Variants in UNC5C observed in about 807,000 individuals in gnomAD.
The protein encoded by UNC5C is netrin receptor UNC5C.
UNC5C carries 47 observed loss-of-function variants against 99.8 expected under a neutral mutation model. The observed-to-expected ratio is 0.47, with a 90% confidence interval of 0.37 to 0.60. UNC5C has a LOEUF of 0.60. Among genes scored for constraint, UNC5C ranks in the 20% least tolerant of loss-of-function variants. The probability of loss-of-function intolerance (pLI) is 0.00; values close to 1 mark genes in which losing one functional copy is unlikely to be tolerated. For missense variants in UNC5C, 1,062 were observed against 1,165.9 expected (o/e 0.91, Z 1.30); for synonymous variants, 487 against 452.2 (o/e 1.08, Z -0.98).
intron 10 of UNC5C, among the ~76,000 whole-genome samples, chr4:95,209,631 T>G (rs1369344050): frequency 2.0e-5 from 3 of 152,222 alleles, no homozygotes; most frequent in Non-Finnish European, 2.9e-5. Flanking sequence ...ACTATAAGGT[T>G]ATTGGGAGCA....
At chr4:95,251,294 T>A (rs115306868) in intron 4 of UNC5C, among the ~76,000 whole-genome samples, 353 of 152,310 alleles carry the variant, frequency 2.3e-3, no homozygotes, top group Non-Finnish European at 3.6e-3. Flanking sequence ...AATTTTTTTT[T>A]AAGTTTTTCT....
intron 2 of UNC5C, among the ~76,000 whole-genome samples, chr4:95,323,958 C>A (rs891957981): frequency 2.6e-5 from 4 of 152,070 alleles, no homozygotes; most frequent in Non-Finnish European, 5.9e-5. Flanking sequence ...ATCGCTTGAA[C>A]CCGGGAGGCG....
chr4:95,403,061 T>A (rs1013334305), intron 1 of UNC5C, among the ~76,000 whole-genome samples: 3 of 152,142 alleles, frequency 2.0e-5, no homozygotes, highest in Admixed American at 6.6e-5. Context: ...AACTTCACAG[T>A]CTTGGGGGAA....
chr4:95,392,254 A>G (rs1231712788), intron 1 of UNC5C, among the ~76,000 whole-genome samples: 2 of 152,106 alleles, frequency 1.3e-5, no homozygotes, highest in Non-Finnish European at 2.9e-5. Context: ...GTAATTATAT[A>G]GTTATTTCTA....
chr4:95,266,620 C>T (rs1740457666), intron 4 of UNC5C, among the ~76,000 whole-genome samples: 1 of 152,130 alleles, frequency 6.6e-6, no homozygotes, highest in South Asian at 2.1e-4. Flanking sequence ...CCATTGGCTG[C>T]CTAAGTCCTG....
intron 1 of UNC5C, among the ~76,000 whole-genome samples, chr4:95,467,261 A>C (rs1331207006): frequency 1.3e-5 from 2 of 152,190 alleles, no homozygotes; most frequent in African/African-American, 4.8e-5. Flanking sequence ...TAAGCTGCTA[A>C]ATGTTGGGGT....
chr4:95,469,190 C>T (rs10856915), intron 1 of UNC5C, among the ~76,000 whole-genome samples: 77,659 of 151,908 alleles, frequency 0.51, 20,817 homozygotes, highest in African/African-American at 0.67. Flanking sequence ...GTCACTTTTG[C>T]CTGCATTAAA....
At chr4:95,358,970 G>A (rs1744299304) in intron 1 of UNC5C, among the ~76,000 whole-genome samples, 1 of 152,162 alleles carries the variant, frequency 6.6e-6, no homozygotes, top group African/African-American at 2.4e-5. Context: ...AAGGACTCTG[G>A]CTATGCTTAA....
In UNC5C at chr4:95,163,949, T is replaced by C. The variant is rs1214044504; in HGVS notation, c.*5285A>G. The C allele has an allele frequency of 6.6e-6, 1 of 152,280 alleles. No individual in the cohort carries two copies. Among genetic ancestry groups the C allele is most frequent in the Non-Finnish European group, 1.5e-5 (1 of 68,082 alleles). 9.4% of individuals were successfully genotyped at this position (152,280 alleles called of 1,614,324 possible). On this transcript the variant is annotated 3_prime_UTR_variant, in exon 16 of 16. Coordinates refer to ENST00000453304, the MANE Select transcript of UNC5C (RefSeq NM_003728.4). ...CGGAGTACCTGTTGGTTTGTCCTGC[T>C]GATGCCCCCCAACCATGCTAAATAG...
chr4:95,444,411 G>A (rs1747035677), intron 1 of UNC5C, among the ~76,000 whole-genome samples: 2 of 151,426 alleles, frequency 1.3e-5, no homozygotes, highest in Non-Finnish European at 2.9e-5. Flanking sequence ...GCTCACTGCA[G>A]GATCCGCCCC....
intron 1 of UNC5C, among the ~76,000 whole-genome samples, chr4:95,459,187 T>C (rs1038338310): frequency 1.3e-5 from 2 of 152,172 alleles, no homozygotes; most frequent in Non-Finnish European, 2.9e-5. Context: ...TGGTTCCAAA[T>C]ATAAGCAACT....
intron 1 of UNC5C, among the ~76,000 whole-genome samples, chr4:95,426,376 A>G (rs990123804): frequency 1.3e-5 from 2 of 152,180 alleles, no homozygotes; most frequent in African/African-American, 4.8e-5. Flanking sequence ...CTCTCTCTTC[A>G]GGCCTTCCTA....
intron 1 of UNC5C, among the ~76,000 whole-genome samples, chr4:95,422,095 G>T (rs1011685831): frequency 6.6e-6 from 1 of 152,172 alleles, no homozygotes; most frequent in Non-Finnish European, 1.5e-5. Context: ...CCTCACTGAC[G>T]ACAACAAGCT....
At chr4:95,368,829 C>T (rs1579363081) in intron 1 of UNC5C, among the ~76,000 whole-genome samples, 1 of 152,068 alleles carries the variant, frequency 6.6e-6, no homozygotes, top group South Asian at 2.1e-4. Flanking sequence ...ATATATTCAA[C>T]ATTAAATTTT....
chr4:95,470,946 C>T (rs759219113), intron 1 of UNC5C, among the ~76,000 whole-genome samples: 4 of 151,690 alleles, frequency 2.6e-5, no homozygotes, highest in Non-Finnish European at 5.9e-5. Flanking sequence ...AAGTTCTAGC[C>T]ATCATGAGTG....
intron 7 of UNC5C, among the ~76,000 whole-genome samples, chr4:95,227,566 T>C (rs2149371516): frequency 6.6e-6 from 1 of 152,250 alleles, no homozygotes; most frequent in Middle Eastern, 3.4e-3. Context: ...GAAGAAAAAA[T>C]ATTTGAAAAC....
chr4:95,301,482 A>G (rs1741874926), intron 3 of UNC5C, 124 bp downstream of exon 3: 2 of 1,356,034 alleles, frequency 1.5e-6, no homozygotes, highest in South Asian at 2.7e-5. Context: ...GGCGTGAGTC[A>G]CCGCGCCTGG....
Position 95,326,358 on chromosome 4 carries a change from A to G in UNC5C, c.346+9052T>C, listed in dbSNP as rs1742883111. 2.0e-5 allele frequency among the ~76,000 whole-genome samples: 3 copies of G among 151,392 alleles called. No individual in the cohort carries two copies. In the East Asian group the frequency reaches 5.8e-4, roughly 29 times the overall value. On this transcript the variant is annotated intron_variant, in intron 2 of 15. Transcript: ENST00000453304. ...CCTTTGCTTCTTCATAGAGAAAAAA[A>G]TATTTGCTTTTAGATGGTAGATCTT...
intron 7 of UNC5C, among the ~76,000 whole-genome samples, chr4:95,233,569 A>G (rs1022220146): frequency 8.5e-5 from 13 of 152,204 alleles, no homozygotes; most frequent in African/African-American, 2.7e-4. Context: ...AGGAAGAAGT[A>G]AGCAGTGATT....
Sources: allele counts gnomAD v4.1 joint callset (sites outside exome capture counted in the v4.1 genomes callset), GRCh38; gene constraint gnomAD v4.1.1; transcripts MANE v1.5; gene names NCBI Gene and HGNC (gene_info 2026-07-23, HGNC 2026-07-21).